BEND6: variants seen among roughly 807,000 people sequenced by gnomAD.
The protein encoded by BEND6 is BEN domain containing 6.
In BEND6, 24 loss-of-function variants were observed where a neutral mutation model predicts 31.8. The observed-to-expected ratio is 0.75, with a 90% CI of 0.55 to 1.06. The LOEUF is 1.06. Ranked by LOEUF, BEND6 falls within the 50% of genes least tolerant of loss-of-function variation. The pLI is 0.00. For synonymous variants in BEND6, 109 were observed against 114.6 expected (o/e 0.95, Z 0.31); for missense variants, 294 against 327.4 (o/e 0.90, Z 0.79).
chr6:56,978,126 A>AC (rs1399582945), intron 1 of BEND6, among the ~76,000 whole-genome samples: 2 of 151,416 alleles, frequency 1.3e-5, no homozygotes, highest in Non-Finnish European at 2.9e-5. Flanking sequence ...AAAAAAAAAA[A>AC]CTAAAAATTA....
chr6:56,994,841 AT>A (rs1416093924), intron 3 of BEND6, among the ~76,000 whole-genome samples: 1 of 152,220 alleles, frequency 6.6e-6, no homozygotes, highest in Non-Finnish European at 1.5e-5. Flanking sequence ...TCAATAGCAT[AT>A]AAAAATAATC....
chr6:56,996,318 G>A (rs74913792), intron 3 of BEND6, among the ~76,000 whole-genome samples: 1 of 152,012 alleles, frequency 6.6e-6, no homozygotes, highest in Non-Finnish European at 1.5e-5. Context: ...ATGGTGTTGC[G>A]TGCCTATGGT....
rs567669763 is a variant in BEND6, at chr6:56,970,189, AC to A, written c.-100-11520del. Reference sequence around the variant, plus strand: ...GCTCTTGGCTTATATTATTCCTCCAACCACATTTTTTTTTTCTTTTTTTGAG... The same window carrying A: ...GCTCTTGGCTTATATTATTCCTCCAACACATTTTTTTTTTCTTTTTTTGAG... On this transcript the variant is annotated intron_variant, in intron 1 of 6. Transcript: ENST00000370746. Among the ~76,000 whole-genome samples, 8 of 151,668 alleles carry A rather than the reference AC, an allele frequency of 5.3e-5. No individual in the cohort carries two copies. In the South Asian group the frequency reaches 1.7e-3, roughly 32 times the overall value.
Position 57,023,790 on chromosome 6 carries a change from A to G in BEND6, c.*10-2292A>G, listed in dbSNP as rs967736881. On this transcript the variant is annotated intron_variant, in intron 6 of 6. Transcript: ENST00000370746. Reference sequence around the variant, plus strand: ...CTAGCTAGTAAGCTAGGATCTCACTATGTTGCCTAGGCTCAGTGTTATTAT... The same window carrying G: ...CTAGCTAGTAAGCTAGGATCTCACTGTGTTGCCTAGGCTCAGTGTTATTAT... Among the ~76,000 whole-genome samples, 8 of 152,070 alleles carry G rather than the reference A, an allele frequency of 5.3e-5. No homozygotes were observed. In the East Asian group the frequency reaches 7.7e-4, roughly 15 times the overall value.
chr6:56,982,876 A>G (rs563749452), intron 2 of BEND6, among the ~76,000 whole-genome samples: 6 of 152,106 alleles, frequency 3.9e-5, no homozygotes, highest in Admixed American at 1.3e-4. Context: ...AACTAACCAT[A>G]TATATTGCTT....
At chr6:57,003,621 T>G (rs1043321514) in intron 3 of BEND6, among the ~76,000 whole-genome samples, 1 of 152,148 alleles carries the variant, frequency 6.6e-6, no homozygotes, top group African/African-American at 2.4e-5. Flanking sequence ...CTGCTACCAA[T>G]TCTACTGAAA....
rs556026113 is a variant in BEND6 at position 57,010,242 on chromosome 6, A to T, written c.299-4891A>T. The T allele has an allele frequency of 9.2e-5, 14 of 152,328 alleles. 1 individual carries two copies. Among genetic ancestry groups the T allele is most frequent in the Admixed American group, 5.9e-4 (9 of 15,300 alleles). The allele number at this position is 152,328 out of a possible 1,614,324, so 9.4% of individuals were successfully genotyped here. A position where few individuals can be genotyped will look rare whatever the true frequency, so the allele number is the denominator to read the frequency against. Reference sequence around the variant, plus strand: ...ATCACAGCAAAATCCGACTGTAGGAAATTCTCCAGGACAAATGACCCAGTT... The same window carrying T: ...ATCACAGCAAAATCCGACTGTAGGATATTCTCCAGGACAAATGACCCAGTT... On this transcript the variant is annotated intron_variant, in intron 3 of 6. Coordinates refer to ENST00000370746, the MANE Select transcript of BEND6 (RefSeq NM_152731.3).
intron 4 of BEND6, among the ~76,000 whole-genome samples, chr6:57,016,248 T>C (rs1214824404): frequency 6.6e-6 from 1 of 152,210 alleles, no homozygotes; most frequent in Non-Finnish European, 1.5e-5. Context: ...TCAAAAATGA[T>C]AAATATTAAC....
rs185612092 is a variant in BEND6, at chr6:57,009,858, A to C, written c.299-5275A>C. ...ATGGTCATCTGAAAACAACCAACTC[A>C]TAATTTTGAAAATTGGCAGATACAA... is the stretch of plus-strand genomic sequence containing the variant. On this transcript the variant is annotated intron_variant, in intron 3 of 6. Transcript: ENST00000370746. 79 of 152,346 alleles carry C rather than the reference A, an allele frequency of 5.2e-4. 1 individual carries two copies. The highest frequency in any genetic ancestry group is 1.9e-3 in the African/African-American group (78 of 41,590). 9.4% of individuals were successfully genotyped at this position (152,346 alleles called of 1,614,324 possible).
rs1826534498 is a variant in BEND6, at chr6:56,992,323, T to C, written c.121-55T>C. 4 of 1,520,506 alleles carry C rather than the reference T, an allele frequency of 2.6e-6. No homozygotes were observed. The East Asian group carries it at 6.9e-5, about 26-fold the overall frequency. The allele number at this position is 1,520,506 out of a possible 1,614,324, so 94.2% of individuals were successfully genotyped here. ...ACAACATGCAATGGTTAACCAGAGA[T>C]AAACCATTAAAGATGCTATGAGGCT... On this transcript the variant is annotated intron_variant, in intron 2 of 6. Coordinates refer to ENST00000370746, the MANE Select transcript of BEND6 (RefSeq NM_152731.3).
chr6:56,955,794 T>C (rs981007624), intron 1 of BEND6, among the ~76,000 whole-genome samples: 11 of 152,212 alleles, frequency 7.2e-5, no homozygotes, highest in African/African-American at 2.7e-4. Flanking sequence ...ACTTGGCTTA[T>C]AAACATTTGG....
Position 57,015,275 on chromosome 6 carries a change from A to G in BEND6, c.441A>G (p.Thr147=), listed in dbSNP as rs760983780. The G allele has an allele frequency of 2.5e-6, 4 of 1,614,050 alleles. No homozygotes were observed. Among genetic ancestry groups the G allele is most frequent in the Non-Finnish European group, 2.5e-6 (3 of 1,180,022 alleles). ...CCTCGCCAGATTCATTTGCCTCAAC[A>G]TGCAGTAATTCTAATTCTAACTCCA... The part of the protein sequence containing the change: ...NNSSPDSFAS[T]CSNSNSNSSS... Residue 147 remains threonine (T), a synonymous_variant, in exon 4 of 7, where the codon ACA becomes ACG. Transcript: ENST00000370746.
intron 2 of BEND6, among the ~76,000 whole-genome samples, chr6:56,989,110 A>G (rs1049611248): frequency 2.0e-5 from 3 of 150,692 alleles, no homozygotes; most frequent in Non-Finnish European, 3.0e-5. Flanking sequence ...GTCTCATTAT[A>G]CATTTCTATA....
chr6:56,966,085 G>GGTTTGTTTTTTGTTTGTTTGTTT (rs1261874989), intron 1 of BEND6, among the ~76,000 whole-genome samples: 7 of 151,974 alleles, frequency 4.6e-5, no homozygotes, highest in Admixed American at 4.6e-4. Context: ...CTGAACCTGT[G>GGTTTGTTTTTTGTTTGTTTGTTT]GTTTGTTTTT....
chr6:57,008,171 T>C (rs748265195), intron 3 of BEND6: 1 of 702,908 alleles, frequency 1.4e-6, no homozygotes, highest in South Asian at 1.5e-5. Context: ...CTATCTTATC[T>C]CCTTTACAGC....
intron 1 of BEND6, among the ~76,000 whole-genome samples, chr6:56,974,913 G>A (rs1825819931): frequency 6.6e-6 from 1 of 152,032 alleles, no homozygotes; most frequent in African/African-American, 2.4e-5. Flanking sequence ...CTGAGGTCAG[G>A]AGTTCAAGAC....
At position 56,991,132 on chromosome 6, in the gene BEND6, AAATT is replaced by A. The variant is rs199734952; in HGVS notation, c.121-1239_121-1236del. On this transcript the variant is annotated intron_variant, in intron 2 of 6. Transcript: ENST00000370746. ...GAAAAAATTGCAAACATTTAAAAATAAATTAATTAAGCCTTCTTATCTCTGAACA... is the reference window on the plus strand; with the variant it reads ...GAAAAAATTGCAAACATTTAAAAATAAATTAAGCCTTCTTATCTCTGAACA... 3.2e-3 allele frequency among the ~76,000 whole-genome samples: 479 copies of A among 151,290 alleles called. 2 individuals carry two copies. The highest frequency in any genetic ancestry group is 0.014 in the Middle Eastern group (4 of 294).
intron 1 of BEND6, among the ~76,000 whole-genome samples, chr6:56,958,800 C>T (rs1337865736): frequency 6.6e-6 from 1 of 152,130 alleles, no homozygotes; most frequent in Non-Finnish European, 1.5e-5. Context: ...AAATGGGAGT[C>T]TAAGGAGGGC....
chr6:57,015,582 T>C (rs1352725092), intron 4 of BEND6, among the ~76,000 whole-genome samples: 1 of 150,058 alleles, frequency 6.7e-6, no homozygotes, highest in Admixed American at 6.6e-5. Flanking sequence ...GGGCAGATCA[T>C]GAGGTCAGAT....
Sources: allele counts gnomAD v4.1 joint callset (sites outside exome capture counted in the v4.1 genomes callset), GRCh38; gene constraint gnomAD v4.1.1; transcripts MANE v1.5; gene names NCBI Gene and HGNC (gene_info 2026-07-23, HGNC 2026-07-21).